Variants in LRRC69 observed in about 807,000 individuals in gnomAD.
LRRC69 encodes the protein leucine rich repeat containing 69.
LRRC69 carries 42 observed loss-of-function variants against 37.8 expected under a neutral mutation model. The observed-to-expected ratio is 1.11, with a 90% CI of 0.87 to 1.44. The LOEUF is 1.44. Among genes scored for constraint, LRRC69 ranks in the 40% most tolerant of loss-of-function variants. The pLI, the probability that LRRC69 is intolerant of heterozygous loss-of-function variation, is 0.00. For missense variants in LRRC69, 357 were observed against 401.9 expected (o/e 0.89, Z 0.96); for synonymous variants, 141 against 143.1 (o/e 0.99, Z 0.11).
Position 91,142,319 on chromosome 8 carries a change from C to T in LRRC69, c.651+6580C>T, listed in dbSNP as rs375301689. Among the ~76,000 whole-genome samples the T allele has an allele frequency of 1.5e-4, 23 of 152,158 alleles. No homozygotes were observed. The East Asian group carries it at 3.1e-3, about 20-fold the overall frequency. On this transcript the variant is annotated intron_variant, in intron 5 of 7. Coordinates refer to ENST00000448384, the Ensembl canonical transcript of LRRC69. ...ATTTAAATAAGCTCTTAGAATCCTC[C>T]GTTAGCAATCTATCTAACAACCTGT... is the stretch of plus-strand genomic sequence containing the variant.
At chr8:91,175,002 A>G (rs1021630597) in intron 5 of LRRC69, among the ~76,000 whole-genome samples, 3 of 152,176 alleles carry the variant, frequency 2.0e-5, no homozygotes, top group African/African-American at 7.2e-5. Context: ...CACTAAAAAT[A>G]CCCATGAAGG....
chr8:91,172,706 C>T (rs1161230821), intron 5 of LRRC69, among the ~76,000 whole-genome samples: 7 of 151,718 alleles, frequency 4.6e-5, no homozygotes, highest in East Asian at 3.9e-4. Context: ...GTAGAGACAG[C>T]GTTTCTCCAT....
chr8:91,105,691 A>G (rs1813300516), intron 1 of LRRC69, among the ~76,000 whole-genome samples: 1 of 150,192 alleles, frequency 6.7e-6, no homozygotes, highest in African/African-American at 2.5e-5. Flanking sequence ...AAGGCAGATG[A>G]AGGTTTCAAA....
chr8:91,103,423 G>A (rs1813255878), intron 1 of LRRC69, among the ~76,000 whole-genome samples: 1 of 151,952 alleles, frequency 6.6e-6, no homozygotes, highest in African/African-American at 2.4e-5. Flanking sequence ...TTTTTAAAGA[G>A]GAATAGTTGA....
intron 3 of LRRC69, chr8:91,130,871 C>G (rs1813797579): frequency 6.6e-6 from 1 of 151,966 alleles, no homozygotes; most frequent in Admixed American, 6.6e-5. Flanking sequence ...AGAGTGGCAC[C>G]TTTCTCACTG....
chr8:91,127,022 A>C, intron 2 of LRRC69, 66 bp from the exon 3 acceptor site: 1 of 1,240,292 alleles, frequency 8.1e-7, no homozygotes, highest in East Asian at 2.6e-5. Flanking sequence ...GGTATGTAGA[A>C]AAGTAGAAAA....
intron 5 of LRRC69, among the ~76,000 whole-genome samples, chr8:91,137,656 G>C (rs1321369601): frequency 6.6e-6 from 1 of 151,952 alleles, no homozygotes; most frequent in Non-Finnish European, 1.5e-5. Context: ...GTCTGAGTTG[G>C]TTTCATCTGT....
intron 5 of LRRC69, among the ~76,000 whole-genome samples, chr8:91,145,323 A>G (rs1300721305): frequency 6.6e-6 from 1 of 151,924 alleles, no homozygotes; most frequent in African/African-American, 2.4e-5. Context: ...ATTTCCTTGG[A>G]ACTATCCACT....
chr8:91,172,300 A>C (rs1809147937), intron 5 of LRRC69, among the ~76,000 whole-genome samples: 1 of 152,048 alleles, frequency 6.6e-6, no homozygotes, highest in African/African-American at 2.4e-5. Flanking sequence ...TATCTCAAAA[A>C]TTATGCACAC....
chr8:91,124,432 TTC>T (rs1813683565), intron 1 of LRRC69, 59 bp from the exon 2 acceptor site: 3 of 1,346,762 alleles, frequency 2.2e-6, no homozygotes, highest in Admixed American at 3.4e-5. Flanking sequence ...CTTAAATTAT[TTC>T]TTTTTTTCAT....
intron 5 of LRRC69, among the ~76,000 whole-genome samples, chr8:91,159,816 T>C (rs1586255442): frequency 6.6e-6 from 1 of 151,174 alleles, no homozygotes; most frequent in Non-Finnish European, 1.5e-5. Context: ...ATCAAGAAGA[T>C]AAAATTCTGG....
chr8:91,193,439 A>G (rs1377321172), intron 6 of LRRC69, among the ~76,000 whole-genome samples: 1 of 139,792 alleles, frequency 7.2e-6, no homozygotes, highest in Non-Finnish European at 1.5e-5. Context: ...TACCTTGGGT[A>G]GTATGGCCAT....
intron 7 of LRRC69, among the ~76,000 whole-genome samples, chr8:91,203,588 G>T (rs1270022460): frequency 6.6e-6 from 1 of 151,120 alleles, no homozygotes; most frequent in Non-Finnish European, 1.5e-5. Context: ...TAGTAGAGAT[G>T]GGGTTTTACC....
chr8:91,127,233 C>A, intron 3 of LRRC69, 73 bp downstream of exon 3: 1 of 1,116,340 alleles, frequency 9.0e-7, no homozygotes, highest in Non-Finnish European at 1.3e-6. Context: ...CATTTGAAAG[C>A]ATTATGCCTA....
At chr8:91,142,721 A>G (rs868259296) in intron 5 of LRRC69, among the ~76,000 whole-genome samples, 8 of 152,032 alleles carry the variant, frequency 5.3e-5, no homozygotes, top group African/African-American at 1.9e-4. Flanking sequence ...CCATTGGCCT[A>G]AATGATGGAA....
At chr8:91,160,508 G>T (rs1481074371) in intron 5 of LRRC69, among the ~76,000 whole-genome samples, 4 of 151,046 alleles carry the variant, frequency 2.6e-5, no homozygotes, top group Non-Finnish European at 5.9e-5. Context: ...CTGGTGGGAG[G>T]TGATTGGATT....
intron 5 of LRRC69, chr8:91,157,422 A>C: frequency 6.2e-7 from 1 of 1,607,696 alleles, no homozygotes; most frequent in African/African-American, 1.3e-5. Flanking sequence ...ATCCCACTAA[A>C]GATATATTCA....
At chr8:91,216,854 G>A (rs919728613) in intron 7 of LRRC69, among the ~76,000 whole-genome samples, 3 of 151,896 alleles carry the variant, frequency 2.0e-5, no homozygotes, top group Non-Finnish European at 4.4e-5. Flanking sequence ...ACATTTTATG[G>A]TCTATTTATA....
intron 5 of LRRC69, among the ~76,000 whole-genome samples, chr8:91,162,375 C>T (rs1808960002): frequency 6.6e-6 from 1 of 151,304 alleles, no homozygotes; most frequent in Non-Finnish European, 1.5e-5. Flanking sequence ...TATTATTGTA[C>T]TAGGGTCTAT....
Sources: allele counts gnomAD v4.1 joint callset (sites outside exome capture counted in the v4.1 genomes callset), GRCh38; gene constraint gnomAD v4.1.1; transcripts MANE v1.5; gene names NCBI Gene and HGNC (gene_info 2026-07-23, HGNC 2026-07-21).